CADPS: variants seen among roughly 807,000 people sequenced by gnomAD.
CADPS encodes the protein calcium-dependent secretion activator 1.
CADPS carries 57 observed loss-of-function variants against 167.3 expected under a neutral mutation model. The observed-to-expected ratio is 0.34, with a 90% confidence interval of 0.28 to 0.42. The LOEUF (loss-of-function observed/expected upper bound fraction) is 0.42, where lower values mean the gene tolerates loss of function less well. Among genes scored for constraint, CADPS ranks in the 20% least tolerant of loss-of-function variants. The pLI is 1.00. For synonymous variants in CADPS, 676 were observed against 635.3 expected, an observed-to-expected ratio of 1.06 and a Z score of -0.96; for missense variants, 1,414 against 1,738.1, an observed-to-expected ratio of 0.81 and a Z score of 3.32.
intron 8 of CADPS, among the ~76,000 whole-genome samples, chr3:62,573,908 A>T (rs2152474744): frequency 6.6e-6 from 1 of 152,314 alleles, no homozygotes. Flanking sequence ...TCAGTTCCTG[A>T]TAGATGGTAA....
intron 3 of CADPS, among the ~76,000 whole-genome samples, chr3:62,718,266 CATG>C (rs2075060745): frequency 6.6e-6 from 1 of 152,068 alleles, no homozygotes; most frequent in Admixed American, 6.5e-5. Context: ...GTGCTCAGTA[CATG>C]ATGTCTTGGT....
chr3:62,451,609 A>C (rs1158298502), intron 26 of CADPS, among the ~76,000 whole-genome samples: 3 of 151,360 alleles, frequency 2.0e-5, no homozygotes, highest in African/African-American at 4.9e-5. Flanking sequence ...ATCTCTCACA[A>C]AAAAAAAGGA....
At position 62,767,993 on chromosome 3, in the gene CADPS, T is replaced by A. The variant is rs562769486; in HGVS notation, c.442-2009A>T. 3.3e-5 allele frequency among the ~76,000 whole-genome samples: 5 copies of A among 152,280 alleles called. No homozygotes were observed. In the East Asian group the frequency reaches 7.7e-4, roughly 24 times the overall value. On this transcript the variant is annotated intron_variant, in intron 1 of 29. Transcript: ENST00000383710. ...TTCAGAGTAACCAAACTGCAGGAGT[T>A]CAACAGCCACATGTGGCTAGTGGCT... is the stretch of plus-strand genomic sequence containing the variant.
intron 3 of CADPS, among the ~76,000 whole-genome samples, chr3:62,689,780 C>A (rs950585862): frequency 6.6e-6 from 1 of 151,928 alleles, no homozygotes; most frequent in Non-Finnish European, 1.5e-5. Flanking sequence ...GTTAATAGCT[C>A]CTTGAGGCAA....
At chr3:62,702,155 T>G (rs894788906) in intron 3 of CADPS, among the ~76,000 whole-genome samples, 1 of 152,130 alleles carries the variant, frequency 6.6e-6, no homozygotes, top group Non-Finnish European at 1.5e-5. Flanking sequence ...CAAAATCATC[T>G]TTGGAGAAAG....
At chr3:62,678,729 A>G (rs371807497) in intron 3 of CADPS, among the ~76,000 whole-genome samples, 2 of 151,582 alleles carry the variant, frequency 1.3e-5, no homozygotes, top group South Asian at 2.1e-4. Flanking sequence ...AAACTGCAAA[A>G]GAGAAACCAT....
chr3:62,398,513 G>C lies in CADPS; in HGVS notation c.*893C>G, dbSNP rs1311022435. The C allele has an allele frequency of 6.6e-6, 1 of 152,578 alleles. No individual in the cohort carries two copies. The highest frequency in any genetic ancestry group is 2.4e-5 in the African/African-American group (1 of 41,442). The allele number at this position is 152,578 out of a possible 1,614,324, so 9.5% of individuals were successfully genotyped here. ...GTGCAGTTACAGATCAAAATGCAAT[G>C]TACATGACAGATATAAAAAACAGTG... is the stretch of plus-strand genomic sequence containing the variant. On this transcript the variant is annotated 3_prime_UTR_variant, in exon 30 of 30. Transcript: ENST00000383710.
intron 1 of CADPS, among the ~76,000 whole-genome samples, chr3:62,772,481 G>A (rs1040578121): frequency 2.0e-5 from 3 of 152,210 alleles, no homozygotes; most frequent in East Asian, 1.9e-4. Flanking sequence ...CAAATCTATT[G>A]TCTATAGCCA....
chr3:62,694,191 A>C lies in CADPS; in HGVS notation c.889-31797T>G, dbSNP rs186630232. Among the ~76,000 whole-genome samples, 6 of 152,202 alleles carry C rather than the reference A, an allele frequency of 3.9e-5. No homozygotes were observed. The East Asian group carries it at 7.7e-4, about 20-fold the overall frequency. ...GACACTCTTAGAAAATCTCTATGGCAATAATATTAAGATAACAATAACCTG... is the reference window on the plus strand; with the variant it reads ...GACACTCTTAGAAAATCTCTATGGCCATAATATTAAGATAACAATAACCTG... On this transcript the variant is annotated intron_variant, in intron 3 of 29. Transcript: ENST00000383710.
intron 28 of CADPS, chr3:62,404,868 G>T (rs1368524461): frequency 1.3e-5 from 2 of 149,818 alleles, no homozygotes. Flanking sequence ...GCATGGACAG[G>T]TTTTCCCCTC....
chr3:62,598,479 C>A (rs999716672), intron 6 of CADPS, among the ~76,000 whole-genome samples: 2 of 152,140 alleles, frequency 1.3e-5, no homozygotes, highest in Non-Finnish European at 2.9e-5. Flanking sequence ...AATATTCATT[C>A]TTTGTCCTTT....
intron 11 of CADPS, among the ~76,000 whole-genome samples, chr3:62,548,924 C>T (rs2076907857): frequency 6.6e-6 from 1 of 152,220 alleles, no homozygotes; most frequent in South Asian, 2.1e-4. Context: ...TATCTGTTCA[C>T]TTGTTTACTA....
chr3:62,728,554 G>A (rs1056850436), intron 3 of CADPS, among the ~76,000 whole-genome samples: 1 of 151,728 alleles, frequency 6.6e-6, no homozygotes, highest in Non-Finnish European at 1.5e-5. Context: ...CCTCAAATAT[G>A]GCATTGAAAA....
At chr3:62,639,046 C>T (rs2066891044) in intron 6 of CADPS, among the ~76,000 whole-genome samples, 2 of 152,256 alleles carry the variant, frequency 1.3e-5, no homozygotes, top group East Asian at 3.9e-4. Context: ...CACCTTCACC[C>T]TCCAGCTCAC....
At chr3:62,693,723 T>G (rs1361012069) in intron 3 of CADPS, among the ~76,000 whole-genome samples, 1 of 151,268 alleles carries the variant, frequency 6.6e-6, no homozygotes, top group African/African-American at 2.4e-5. Flanking sequence ...AGGCAGAGGT[T>G]GTAGTGAGCC....
chr3:62,571,244 C>G (rs1403069075), intron 8 of CADPS, among the ~76,000 whole-genome samples: 1 of 152,126 alleles, frequency 6.6e-6, no homozygotes, highest in Non-Finnish European at 1.5e-5. Flanking sequence ...TAGGGGAACT[C>G]CTGAAAGACA....
chr3:62,574,132 C>T (rs2081838213), intron 8 of CADPS, among the ~76,000 whole-genome samples: 1 of 152,208 alleles, frequency 6.6e-6, no homozygotes, highest in African/African-American at 2.4e-5. Context: ...ATCAACACCA[C>T]CTGGACCATG....
At chr3:62,410,230 A>G (rs902958646) in intron 28 of CADPS, among the ~76,000 whole-genome samples, 3 of 152,364 alleles carry the variant, frequency 2.0e-5, no homozygotes, top group Non-Finnish European at 4.4e-5. Context: ...CTTGTGACTC[A>G]GTCCAATATA....
intron 1 of CADPS, among the ~76,000 whole-genome samples, chr3:62,814,010 C>G (rs2094501256): frequency 2.0e-5 from 3 of 152,124 alleles, no homozygotes; most frequent in Admixed American, 2.0e-4. Context: ...TCTCTGCACA[C>G]AGCACTTACT....
Sources: allele counts gnomAD v4.1 joint callset (sites outside exome capture counted in the v4.1 genomes callset), GRCh38; gene constraint gnomAD v4.1.1; transcripts MANE v1.5; gene names NCBI Gene and HGNC (gene_info 2026-07-23, HGNC 2026-07-21).